Variants in PLCB1 observed in about 807,000 individuals in gnomAD.
PLCB1 encodes 1-phosphatidylinositol 4,5-bisphosphate phosphodiesterase beta-1.
Under a neutral mutation model 161.8 loss-of-function variants are expected in PLCB1, and 46 were observed. The ratio of observed to expected loss-of-function variants is 0.28; its 90% confidence interval spans 0.22 to 0.36. The LOEUF (loss-of-function observed/expected upper bound fraction) is 0.36. Among genes scored for constraint, PLCB1 ranks in the 10% least tolerant of loss-of-function variants. PLCB1 has a pLI of 1.00. For missense variants in PLCB1, 1,016 were observed against 1,472.5 expected (o/e 0.69, Z 5.07); for synonymous variants, 517 against 503.7 (o/e 1.03, Z -0.35).
At chr20:8,826,127 T>A (rs1188506137) in intron 31 of PLCB1, among the ~76,000 whole-genome samples, 1 of 151,814 alleles carries the variant, frequency 6.6e-6, no homozygotes, top group East Asian at 1.9e-4. Context: ...AGAAGAGAAG[T>A]CTTAGCTGGA....
At chr20:8,144,767 A>G (rs2051437263) in intron 1 of PLCB1, among the ~76,000 whole-genome samples, 1 of 152,100 alleles carries the variant, frequency 6.6e-6, no homozygotes, top group Non-Finnish European at 1.5e-5. Flanking sequence ...TATTTGCTGT[A>G]TTTGGCCCTG....
At chr20:8,308,947 A>G (rs1984261280) in intron 2 of PLCB1, among the ~76,000 whole-genome samples, 1 of 152,020 alleles carries the variant, frequency 6.6e-6, no homozygotes, top group African/African-American at 2.4e-5. Flanking sequence ...AAAAAATCTC[A>G]GATTTGTTGA....
rs533229683 is a variant in PLCB1 at position 8,295,026 on chromosome 20, G to T, written c.178-76356G>T. On this transcript the variant is annotated intron_variant, in intron 2 of 31. Transcript: ENST00000338037. ...ATAAAAGAAAAATGCAAAAGACTAC[G>T]TGCAGTATGATACATTATGTTCAAA... 2.8e-4 allele frequency among the ~76,000 whole-genome samples: 42 copies of T among 152,166 alleles called. No homozygotes were observed. In the South Asian group the frequency reaches 8.3e-3, roughly 30 times the overall value.
At chr20:8,295,957 C>T (rs1039408449) in intron 2 of PLCB1, among the ~76,000 whole-genome samples, 4 of 152,006 alleles carry the variant, frequency 2.6e-5, no homozygotes, top group African/African-American at 9.7e-5. Flanking sequence ...AAGCAATCCT[C>T]CCACCTCTAC....
chr20:8,361,060 G>T (rs977332696), intron 2 of PLCB1, among the ~76,000 whole-genome samples: 1 of 152,132 alleles, frequency 6.6e-6, no homozygotes, highest in Admixed American at 6.6e-5. Context: ...AAAATACGTT[G>T]GTTGAGAAAA....
intron 31 of PLCB1, among the ~76,000 whole-genome samples, chr20:8,863,956 A>G (rs1431850738): frequency 1.3e-5 from 2 of 152,226 alleles, no homozygotes; most frequent in Admixed American, 6.5e-5. Context: ...GGCATTTTAC[A>G]TAGCACTATG....
intron 1 of PLCB1, among the ~76,000 whole-genome samples, chr20:8,148,512 A>C (rs1356911608): frequency 1.3e-5 from 2 of 152,228 alleles, no homozygotes; most frequent in African/African-American, 4.8e-5. Flanking sequence ...TTCCTCAAAA[A>C]ATGAAACATA....
chr20:8,409,340 C>T (rs1168950115), intron 3 of PLCB1, among the ~76,000 whole-genome samples: 1 of 152,096 alleles, frequency 6.6e-6, no homozygotes, highest in Non-Finnish European at 1.5e-5. Flanking sequence ...TCCCATTCCA[C>T]ATAAACAACA....
chr20:8,646,919 G>T (rs1600223939), intron 5 of PLCB1, among the ~76,000 whole-genome samples: 1 of 152,114 alleles, frequency 6.6e-6, no homozygotes, highest in Non-Finnish European at 1.5e-5. Context: ...ATTAATAGGT[G>T]GTCCTCTATT....
chr20:8,447,839 A>G (rs1268320239), intron 3 of PLCB1, among the ~76,000 whole-genome samples: 2 of 152,190 alleles, frequency 1.3e-5, no homozygotes, highest in African/African-American at 4.8e-5. Context: ...GACAGGGGAA[A>G]AGGTCACAAC....
At chr20:8,814,581 G>GTT (rs1984992617) in intron 31 of PLCB1, among the ~76,000 whole-genome samples, 1 of 142,558 alleles carries the variant, frequency 7.0e-6, no homozygotes, top group Non-Finnish European at 1.5e-5. Flanking sequence ...ACTTGCATGT[G>GTT]TGTGTGTGTG....
intron 4 of PLCB1, among the ~76,000 whole-genome samples, chr20:8,640,467 A>G (rs1341479152): frequency 6.6e-6 from 1 of 152,200 alleles, no homozygotes; most frequent in East Asian, 1.9e-4. Context: ...TTTATTGTCT[A>G]TGGTACACAG....
chr20:8,324,906 AT>A, intron 2 of PLCB1, among the ~76,000 whole-genome samples: 1 of 152,292 alleles, frequency 6.6e-6, no homozygotes, highest in Non-Finnish European at 1.5e-5. Context: ...GTTCTTATGG[AT>A]TTTTCCATGT....
chr20:8,534,591 G>A (rs980877613), intron 3 of PLCB1, among the ~76,000 whole-genome samples: 1 of 152,090 alleles, frequency 6.6e-6, no homozygotes, highest in Non-Finnish European at 1.5e-5. Context: ...TGAAACAACG[G>A]GGGCGTTGCT....
chr20:8,776,046 G>T (rs369591492), intron 27 of PLCB1, among the ~76,000 whole-genome samples: 1 of 152,114 alleles, frequency 6.6e-6, no homozygotes, highest in African/African-American at 2.4e-5. Flanking sequence ...GGCAATAATG[G>T]CTTTGAGATC....
chr20:8,170,615 A>G (rs728213), intron 2 of PLCB1, among the ~76,000 whole-genome samples: 28,270 of 152,158 alleles, frequency 0.19, 2,818 homozygotes, highest in Admixed American at 0.25. Flanking sequence ...TTTGACCGAG[A>G]AGAAGCATAT....
rs1301024737 is a variant in PLCB1, at chr20:8,492,721, A to G, written c.246+121271A>G. On this transcript the variant is annotated intron_variant, in intron 3 of 31. Coordinates refer to ENST00000338037, the MANE Select transcript of PLCB1 (RefSeq NM_015192.4). ...ACTAAGAGTATCTGTCTGGGAATAT[A>G]TAATAGGATCAAACCTAAGCACAAA... Among the ~76,000 whole-genome samples, 5 of 152,182 alleles carry G rather than the reference A, an allele frequency of 3.3e-5. No homozygotes were observed. The East Asian group carries it at 9.7e-4, about 29-fold the overall frequency.
intron 31 of PLCB1, chr20:8,802,083 G>A: frequency 6.2e-7 from 1 of 1,612,108 alleles, no homozygotes. Context: ...ATTCTTGTCG[G>A]AAACTTGCCA....
At chr20:8,789,337 C>A (rs1416313122) in intron 29 of PLCB1, among the ~76,000 whole-genome samples, 181 bp from the exon 30 acceptor site, 1 of 152,134 alleles carries the variant, frequency 6.6e-6, no homozygotes, top group Non-Finnish European at 1.5e-5. Context: ...CATGATGGTG[C>A]CACTGCACTC....
Sources: gnomAD v4.1 joint callset for allele counts (sites outside exome capture counted in the v4.1 genomes callset) on GRCh38, gnomAD v4.1.1 for gene constraint, MANE v1.5 for transcripts, NCBI Gene and HGNC (gene_info 2026-07-23, HGNC 2026-07-21) for gene names.